The following LRIF1 variants were observed in gnomAD, a reference collection of about 807,000 sequenced individuals.
LRIF1 encodes ligand dependent nuclear receptor interacting factor 1.
Under a neutral mutation model 52.7 loss-of-function variants are expected in LRIF1, and 32 were observed. That is an observed-to-expected ratio of 0.61 (90% CI 0.46 to 0.82). LRIF1 has a LOEUF of 0.82. Among genes scored for constraint, LRIF1 ranks in the 40% least tolerant of loss-of-function variants. The pLI is 0.00. For synonymous variants in LRIF1, 323 were observed against 317.4 expected (o/e 1.02, Z -0.19); for missense variants, 887 against 892.0 (o/e 0.99, Z 0.07).
intron 1 of LRIF1, among the ~76,000 whole-genome samples, chr1:110,957,301 CAA>C (rs35011841): frequency 0.2 from 16,647 of 81,662 alleles, 1,362 homozygotes; most frequent in East Asian, 0.39. Context: ...ACTAAAAATA[CAA>C]AAAAAAAAAA....
At chr1:110,904,992 T>C in the LRIF1 span, among the ~76,000 whole-genome samples, 11 of 152,186 alleles carry the variant, frequency 7.2e-5, no homozygotes, top group Admixed American at 1.3e-4. Flanking sequence ...ATTGGCATAT[T>C]AAAGAATGCT....
At chr1:110,948,696 T>C (rs1313094488) in intron 3 of LRIF1, among the ~76,000 whole-genome samples, 2 of 152,226 alleles carry the variant, frequency 1.3e-5, no homozygotes, top group African/African-American at 2.4e-5. Flanking sequence ...GCCTGAGATA[T>C]AAAATTGATT....
At chr1:110,913,726 A>G in the LRIF1 span, among the ~76,000 whole-genome samples, 1 of 152,246 alleles carries the variant, frequency 6.6e-6, no homozygotes, top group African/African-American at 2.4e-5. Flanking sequence ...TGTGGAAAGC[A>G]GTTTACAGAC....
At chr1:110,894,167 C>G in the LRIF1 span, 1 of 639,684 alleles carries the variant, frequency 1.6e-6, no homozygotes, top group South Asian at 1.8e-5. Flanking sequence ...AGAAAAAGAA[C>G]ACATATTTTC....
At position 110,949,211 on chromosome 1, in the gene LRIF1, G is replaced by A. The variant is rs188884856; in HGVS notation, c.1869+640C>T. ...CAGCTCACTGCAACCTCTGCCTTCC[G>A]GGTTCAAGCGATTCTCCTGCCCTCA... On this transcript the variant is annotated intron_variant, in intron 3 of 3. Coordinates refer to ENST00000369763, the MANE Select transcript of LRIF1 (RefSeq NM_018372.4). Among the ~76,000 whole-genome samples the A allele has an allele frequency of 1.3e-3, 198 of 151,972 alleles. 1 individual carries two copies. The highest frequency in any genetic ancestry group is 4.6e-3 in the African/African-American group (191 of 41,448).
At chr1:110,958,458 A>T (rs1024045113) in intron 1 of LRIF1, among the ~76,000 whole-genome samples, 1 of 808 alleles carries the variant, frequency 1.2e-3, no homozygotes, top group East Asian at 0.083. Context: ...CTAATTTTTT[A>T]AAATGAGTAT....
At chr1:110,959,613 G>C (rs1331073653) in intron 1 of LRIF1, among the ~76,000 whole-genome samples, 1 of 151,554 alleles carries the variant, frequency 6.6e-6, no homozygotes, top group Non-Finnish European at 1.5e-5. Flanking sequence ...AGCCGGGCGT[G>C]GTGGCACACG....
the LRIF1 span, among the ~76,000 whole-genome samples, chr1:110,885,629 G>A: frequency 6.6e-6 from 1 of 152,092 alleles, no homozygotes; most frequent in East Asian, 1.9e-4. Context: ...TTAGGAGGCT[G>A]AGACAGGCAG....
At chr1:110,917,644 T>C in the LRIF1 span, among the ~76,000 whole-genome samples, 1 of 139,128 alleles carries the variant, frequency 7.2e-6, no homozygotes, top group South Asian at 2.3e-4. Flanking sequence ...GTTTTTTTGT[T>C]TTTGTTTTTT....
the LRIF1 span, among the ~76,000 whole-genome samples, chr1:110,912,355 G>T: frequency 6.6e-6 from 1 of 152,066 alleles, no homozygotes; most frequent in African/African-American, 2.4e-5. Context: ...GGGATTACAG[G>T]CATGCACCAC....
Position 110,952,126 on chromosome 1 carries a change from G to C in LRIF1, c.758C>G (p.Pro253Arg). 6.2e-7 allele frequency: 1 copy of C among 1,614,108 alleles called. No individual in the cohort carries two copies. Among genetic ancestry groups the C allele is most frequent in the Non-Finnish European group, 8.5e-7 (1 of 1,180,008 alleles). The change falls in exon 2 of 4, where the codon CCT becomes CGT. Residue 253 changes from proline to arginine, a missense_variant. Transcript: ENST00000369763. ...TACTGGCTTTGCTATTTCTGTAACA[G>C]GTTTTGGGTAAATGTTTTGAAAGTT... Reference protein sequence around the residue: ...TKNFQNIYPKPVTEIAKPVIL... With the variant: ...TKNFQNIYPKRVTEIAKPVIL...
the LRIF1 span, among the ~76,000 whole-genome samples, chr1:110,935,381 A>G: frequency 6.6e-6 from 1 of 152,338 alleles, no homozygotes; most frequent in Non-Finnish European, 1.5e-5. Context: ...GAGATATATG[A>G]CCTTTCAGAC....
chr1:110,901,841 T>C, the LRIF1 span, among the ~76,000 whole-genome samples: 1,617 of 152,340 alleles, frequency 0.011, 30 homozygotes, highest in African/African-American at 0.037. Flanking sequence ...AAATGAAACT[T>C]ATCATTCTAT....
At position 110,963,643 on chromosome 1, in the gene LRIF1, T is replaced by C. The variant is rs756577324; in HGVS notation, c.46A>G (p.Asn16Asp). ...RRVFLKPAEE[N>D]SGNASRCVSG... Reference sequence around the variant, plus strand: ...TACCAACGCGAGGCGTTGCCTGAATTTTCCTCTGCGGGTTTCAGGAAGACC... The same window carrying C: ...TACCAACGCGAGGCGTTGCCTGAATCTTCCTCTGCGGGTTTCAGGAAGACC... The change falls in exon 1 of 4, where the codon AAT (asparagine) becomes GAT (aspartate). Residue 16 changes from asparagine (N) to aspartate (D), a missense_variant. Transcript: ENST00000369763. 8 of 1,610,040 alleles carry C rather than the reference T, an allele frequency of 5.0e-6. No individual in the cohort carries two copies. The highest frequency in any genetic ancestry group is 6.8e-6 in the Non-Finnish European group (8 of 1,176,826).
the LRIF1 span, among the ~76,000 whole-genome samples, chr1:110,918,862 C>G: frequency 6.6e-6 from 1 of 152,154 alleles, no homozygotes; most frequent in Non-Finnish European, 1.5e-5. Flanking sequence ...AAGAGCCAAC[C>G]AGAAGAAAAA....
chr1:110,950,057 G>T lies in LRIF1; in HGVS notation c.1663C>A (p.Gln555Lys). Residue 555 changes from glutamine to lysine, a missense_variant, in exon 3 of 4, where the codon CAA (glutamine) becomes AAA (lysine). Transcript: ENST00000369763. ...TGTAATGCCTTATTACTTCTTCCTT[G>T]AGAATCTTTCTTGTCATTTCTTCCT... is the stretch of plus-strand genomic sequence containing the variant. ...AQGRNDKKDSQGRSNKALHLK... is the reference protein window; with the variant it reads ...AQGRNDKKDSKGRSNKALHLK... 1 of 1,613,902 alleles carries T rather than the reference G, an allele frequency of 6.2e-7. No homozygotes were observed.
At chr1:110,938,001 T>C in the LRIF1 span, 1 of 152,016 alleles carries the variant, frequency 6.6e-6, no homozygotes, top group Non-Finnish European at 1.5e-5. Context: ...TGTTCCAAGA[T>C]TGAACTATGA....
rs1490904547 is a variant in LRIF1, at chr1:110,951,830, T to C, written c.1054A>G (p.Ile352Val). The C allele has an allele frequency of 1.2e-6, 2 of 1,612,948 alleles. No individual in the cohort carries two copies. Among genetic ancestry groups the C allele is most frequent in the South Asian group, 2.2e-5 (2 of 91,086 alleles). ...AACATAACCAAAGCATTATCTTTAA[T>C]AGGCATATTTTTGGATCGCGTCCCA... ...PSGTRSKNMP[I>V]KDNALVMFNG... Residue 352 changes from isoleucine (I) to valine (V), a missense_variant, in exon 2 of 4, where the codon ATT becomes GTT. Ile to Val is a conservative substitution (Grantham distance 29, BLOSUM62 3). Coordinates refer to ENST00000369763, the MANE Select transcript of LRIF1 (RefSeq NM_018372.4).
intron 1 of LRIF1, among the ~76,000 whole-genome samples, chr1:110,954,608 C>A (rs1658620702): frequency 6.6e-6 from 1 of 152,114 alleles, no homozygotes; most frequent in Admixed American, 6.5e-5. Context: ...ACCTTTATTA[C>A]CTCCCTGCAC....
Sources: gnomAD v4.1 joint callset for allele counts (sites outside exome capture counted in the v4.1 genomes callset) on GRCh38, gnomAD v4.1.1 for gene constraint, MANE v1.5 for transcripts, NCBI Gene and HGNC (gene_info 2026-07-23, HGNC 2026-07-21) for gene names.